Variants in SLC4A10 observed in about 807,000 individuals in gnomAD.
SLC4A10 encodes sodium-driven chloride bicarbonate exchanger.
A neutral mutation model predicts 137.7 loss-of-function variants in SLC4A10; 42 were observed. The observed-to-expected ratio is 0.30, with a 90% CI of 0.24 to 0.39. SLC4A10 has a LOEUF of 0.39. Among genes scored for constraint, SLC4A10 ranks in the 10% least tolerant of loss-of-function variants. The pLI, the probability that SLC4A10 is intolerant of heterozygous loss-of-function variation, is 1.00. For synonymous variants in SLC4A10, 474 were observed against 464.1 expected (o/e 1.02, Z -0.27); for missense variants, 925 against 1,355.0 (o/e 0.68, Z 4.98).
At chr2:161,768,279 C>T (rs1451543018) in intron 1 of SLC4A10, among the ~76,000 whole-genome samples, 1 of 152,044 alleles carries the variant, frequency 6.6e-6, no homozygotes, top group Non-Finnish European at 1.5e-5. Flanking sequence ...ACCTGACATC[C>T]ATAAGTCCCT....
intron 1 of SLC4A10, among the ~76,000 whole-genome samples, chr2:161,689,496 G>A (rs533534297): frequency 5.9e-5 from 9 of 152,156 alleles, no homozygotes; most frequent in Non-Finnish European, 1.2e-4. Context: ...AGAAGCAATA[G>A]GTTATACCTT....
chr2:161,700,438 G>T (rs989543507), intron 1 of SLC4A10, among the ~76,000 whole-genome samples: 1 of 152,070 alleles, frequency 6.6e-6, no homozygotes, highest in Admixed American at 6.5e-5. Flanking sequence ...GATGTGGAAA[G>T]AAGAAGGAAC....
chr2:161,929,475 T>C (rs1010506986), intron 15 of SLC4A10, among the ~76,000 whole-genome samples: 7 of 152,234 alleles, frequency 4.6e-5, no homozygotes, highest in African/African-American at 1.7e-4. Flanking sequence ...TAACAGACTT[T>C]AGAGAGCATA....
chr2:161,915,198 AAG>A (rs1173979091), intron 15 of SLC4A10, among the ~76,000 whole-genome samples: 1 of 151,968 alleles, frequency 6.6e-6, no homozygotes, highest in Non-Finnish European at 1.5e-5. Context: ...TTGACTTCAG[AAG>A]AGAGAGGCAG....
At chr2:161,813,428 C>T (rs1230493511) in intron 3 of SLC4A10, among the ~76,000 whole-genome samples, 1 of 152,076 alleles carries the variant, frequency 6.6e-6, no homozygotes, top group Non-Finnish European at 1.5e-5. Flanking sequence ...AGGTATCCTG[C>T]ACCACCATGA....
chr2:161,666,028 T>C (rs1257699262), intron 1 of SLC4A10, among the ~76,000 whole-genome samples: 2 of 150,712 alleles, frequency 1.3e-5, no homozygotes, highest in Non-Finnish European at 3.0e-5. Flanking sequence ...ATGATACTAC[T>C]TGTGATTTCT....
Position 161,879,598 on chromosome 2 carries a change from A to G in SLC4A10, c.1106+310A>G, listed in dbSNP as rs113795282. 3.5e-3 allele frequency among the ~76,000 whole-genome samples: 459 copies of G among 129,998 alleles called. 4 individuals carry two copies. The Middle Eastern group carries it at 0.05, about 14-fold the overall frequency. The allele number at this position is 129,998 out of a possible 152,430, so 85.3% of individuals were successfully genotyped here. On this transcript the variant is annotated intron_variant, in intron 9 of 26. Transcript: ENST00000446997. ...TTGGTAAAAGAAGTGGTAACATGTT[A>G]GCTTTTTCTCAAAGATTGCATTAAA... is the stretch of plus-strand genomic sequence containing the variant.
chr2:161,818,893 G>C (rs1559321890), intron 3 of SLC4A10, among the ~76,000 whole-genome samples: 1 of 152,014 alleles, frequency 6.6e-6, no homozygotes, highest in Non-Finnish European at 1.5e-5. Context: ...ATTTTATTGA[G>C]GATTTTTGCA....
intron 6 of SLC4A10, among the ~76,000 whole-genome samples, chr2:161,865,604 T>C (rs772603267): frequency 1.9e-4 from 29 of 152,064 alleles, no homozygotes; most frequent in Non-Finnish European, 2.6e-4. Context: ...TCTGTTTTGC[T>C]TCCTCACACA....
At chr2:161,714,135 T>A (rs1269686351) in intron 1 of SLC4A10, among the ~76,000 whole-genome samples, 2 of 151,928 alleles carry the variant, frequency 1.3e-5, no homozygotes, top group African/African-American at 2.4e-5. Flanking sequence ...GAGAATGCTC[T>A]GTACTTCCTG....
At chr2:161,769,003 A>C (rs575605711) in intron 1 of SLC4A10, among the ~76,000 whole-genome samples, 1 of 152,112 alleles carries the variant, frequency 6.6e-6, no homozygotes, top group South Asian at 2.1e-4. Context: ...ATGGGCGAGC[A>C]GGCCTTAAAT....
chr2:161,695,845 A>C (rs1402068570), intron 1 of SLC4A10, among the ~76,000 whole-genome samples: 1 of 152,190 alleles, frequency 6.6e-6, no homozygotes, highest in Non-Finnish European at 1.5e-5. Flanking sequence ...AATTCAAAGG[A>C]ACAAATGTTT....
chr2:161,960,433 A>G (rs913609297), intron 21 of SLC4A10, among the ~76,000 whole-genome samples: 2 of 151,098 alleles, frequency 1.3e-5, no homozygotes, highest in African/African-American at 2.4e-5. Context: ...AGAAGGCTAT[A>G]TGAAGATGTA....
chr2:161,637,076 AATACGTATATACAT>A (rs2034524433), intron 1 of SLC4A10, among the ~76,000 whole-genome samples: 1 of 124,372 alleles, frequency 8.0e-6, no homozygotes, highest in African/African-American at 2.8e-5. Flanking sequence ...TATATACATA[AATACGTATATACAT>A]ATACGTATAT....
intron 1 of SLC4A10, among the ~76,000 whole-genome samples, chr2:161,660,623 T>TCTTC (rs1289464895): frequency 4.4e-5 from 6 of 136,790 alleles, no homozygotes; most frequent in African/African-American, 8.1e-5. Flanking sequence ...TTTCTTTCTT[T>TCTTC]CTTCCTTTCC....
At chr2:161,764,522 T>C (rs771800737) in intron 1 of SLC4A10, among the ~76,000 whole-genome samples, 13 of 152,144 alleles carry the variant, frequency 8.5e-5, no homozygotes, top group Non-Finnish European at 1.6e-4. Flanking sequence ...AAAATGGATA[T>C]AACATATTTG....
chr2:161,906,173 T>C (rs1684298232), intron 15 of SLC4A10, among the ~76,000 whole-genome samples: 1 of 152,242 alleles, frequency 6.6e-6, no homozygotes, highest in African/African-American at 2.4e-5. Context: ...CATTTTAATA[T>C]ACACGAATTT....
At chr2:161,952,165 A>AT (rs1247243717) in intron 19 of SLC4A10, among the ~76,000 whole-genome samples, 1 of 152,052 alleles carries the variant, frequency 6.6e-6, no homozygotes, top group Non-Finnish European at 1.5e-5. Context: ...TTCAGGCAGC[A>AT]TTTTTTTCTT....
Position 161,983,116 on chromosome 2 carries a change from G to A in SLC4A10, c.*27-63G>A. On this transcript the variant is annotated intron_variant, in intron 26 of 26. Transcript: ENST00000446997. ...GTTGACGGGTTTTATGTCTGAGCAAGCAGATGTCATAGTAGCCATGCTGGA... is the reference window on the plus strand; with the variant it reads ...GTTGACGGGTTTTATGTCTGAGCAAACAGATGTCATAGTAGCCATGCTGGA... 4 of 1,444,262 alleles carry A rather than the reference G, an allele frequency of 2.8e-6. No homozygotes were observed. The South Asian group carries it at 4.9e-5, about 18-fold the overall frequency. 89.5% of individuals were successfully genotyped at this position (1,444,262 alleles called of 1,614,324 possible).
Sources: gnomAD v4.1 joint callset for allele counts (sites outside exome capture counted in the v4.1 genomes callset) on GRCh38, gnomAD v4.1.1 for gene constraint, MANE v1.5 for transcripts, NCBI Gene and HGNC (gene_info 2026-07-23, HGNC 2026-07-21) for gene names.